Variants in ZNF804A observed in about 807,000 individuals in gnomAD.
The protein encoded by ZNF804A is zinc finger protein 804A.
In ZNF804A, 2 loss-of-function variants were observed where a neutral mutation model predicts 16.5. The ratio of observed to expected loss-of-function variants is 0.12; its 90% confidence interval spans 0.05 to 0.38. The LOEUF is 0.38. ZNF804A is among the 10% of genes least tolerant of loss of function. ZNF804A has a pLI of 0.99. For synonymous variants in ZNF804A, 534 were observed against 489.6 expected, an observed-to-expected ratio of 1.09 and a Z score of -1.20; for missense variants, 1,473 against 1,390.7, an observed-to-expected ratio of 1.06 and a Z score of -0.94.
intron 2 of ZNF804A, among the ~76,000 whole-genome samples, chr2:184,869,479 G>A (rs189907787): frequency 6.3e-4 from 96 of 152,008 alleles, no homozygotes; most frequent in African/African-American, 2.0e-3. Context: ...ATATGACTTT[G>A]GGTTAAATAA....
chr2:184,656,268 T>C (rs1692071770), intron 1 of ZNF804A, among the ~76,000 whole-genome samples: 1 of 152,142 alleles, frequency 6.6e-6, no homozygotes, highest in African/African-American at 2.4e-5. Context: ...AGAGATAGTC[T>C]CTACAGTATG....
intron 1 of ZNF804A, among the ~76,000 whole-genome samples, chr2:184,639,363 C>T (rs1402113718): frequency 5.3e-5 from 8 of 151,796 alleles, no homozygotes; most frequent in Non-Finnish European, 7.4e-5. Context: ...TATCAGCCAC[C>T]GCGCCTGGCC....
chr2:184,715,758 C>T (rs1029280952), intron 1 of ZNF804A, among the ~76,000 whole-genome samples: 2 of 152,052 alleles, frequency 1.3e-5, no homozygotes, highest in Non-Finnish European at 2.9e-5. Flanking sequence ...ATTTCTATAA[C>T]TTTATCAATT....
chr2:184,672,517 G>A (rs1300929736), intron 1 of ZNF804A, among the ~76,000 whole-genome samples: 3 of 152,092 alleles, frequency 2.0e-5, no homozygotes, highest in African/African-American at 7.2e-5. Context: ...CCTTTTATTT[G>A]AATAAGTTGT....
chr2:184,915,581 A>C, intron 2 of ZNF804A, among the ~76,000 whole-genome samples: 1 of 152,152 alleles, frequency 6.6e-6, no homozygotes, highest in East Asian at 1.9e-4. Context: ...ATTCATGAGC[A>C]CTTACAATGC....
intron 1 of ZNF804A, among the ~76,000 whole-genome samples, chr2:184,791,806 A>G (rs1434859186): frequency 6.6e-6 from 1 of 152,184 alleles, no homozygotes; most frequent in African/African-American, 2.4e-5. Context: ...ATCACATAGA[A>G]TAGTTTAAGA....
chr2:184,644,565 A>AT (rs1398830392), intron 1 of ZNF804A, among the ~76,000 whole-genome samples: 2 of 152,020 alleles, frequency 1.3e-5, no homozygotes, highest in East Asian at 3.9e-4. Context: ...CTGTATAGAC[A>AT]TTTTATGTCC....
chr2:184,737,857 C>A (rs1231758698), intron 1 of ZNF804A, among the ~76,000 whole-genome samples: 1 of 152,256 alleles, frequency 6.6e-6, no homozygotes, highest in African/African-American at 2.4e-5. Flanking sequence ...GGCGCAGTGG[C>A]TTACGCTTAT....
intron 2 of ZNF804A, among the ~76,000 whole-genome samples, chr2:184,928,561 A>T (rs1054332747): frequency 6.6e-6 from 1 of 152,244 alleles, no homozygotes; most frequent in African/African-American, 2.4e-5. Context: ...CTCTGAGCCC[A>T]GTTCAGCAAT....
chr2:184,788,543 G>A (rs540531741), intron 1 of ZNF804A, among the ~76,000 whole-genome samples: 10 of 151,792 alleles, frequency 6.6e-5, no homozygotes, highest in East Asian at 1.9e-4. Flanking sequence ...TGTAGATATC[G>A]TTCATCTCCT....
chr2:184,634,761 A>G (rs1691667872), intron 1 of ZNF804A, among the ~76,000 whole-genome samples: 1 of 152,054 alleles, frequency 6.6e-6, no homozygotes. Context: ...CCAACCTTTG[A>G]CCTCCAGAAC....
chr2:184,914,805 T>TTGGG (rs1244660709), intron 2 of ZNF804A, among the ~76,000 whole-genome samples: 45 of 152,084 alleles, frequency 3.0e-4, no homozygotes, highest in South Asian at 1.7e-3. Flanking sequence ...TGTGTCTATA[T>TTGGG]ATTATTTTCC....
chr2:184,905,943 G>A (rs1441612002), intron 2 of ZNF804A, among the ~76,000 whole-genome samples: 3 of 152,118 alleles, frequency 2.0e-5, no homozygotes, highest in African/African-American at 7.2e-5. Flanking sequence ...ATGTTCCTTA[G>A]CTGTATTTCT....
At chr2:184,774,892 C>T (rs1046934676) in intron 1 of ZNF804A, among the ~76,000 whole-genome samples, 1 of 150,920 alleles carries the variant, frequency 6.6e-6, no homozygotes. Context: ...AGCAGCTACC[C>T]TTCATGAGGG....
chr2:184,688,737 C>G (rs1460663930), intron 1 of ZNF804A, among the ~76,000 whole-genome samples: 2 of 152,098 alleles, frequency 1.3e-5, no homozygotes, highest in Non-Finnish European at 2.9e-5. Flanking sequence ...AACAATGTTT[C>G]TTTGTGCTAA....
At chr2:184,662,908 A>G (rs1692197987) in intron 1 of ZNF804A, among the ~76,000 whole-genome samples, 1 of 152,246 alleles carries the variant, frequency 6.6e-6, no homozygotes, top group Admixed American at 6.5e-5. Flanking sequence ...ATCATACAGT[A>G]TCTGAAAACT....
At chr2:184,786,273 C>G (rs1399490428) in intron 1 of ZNF804A, among the ~76,000 whole-genome samples, 2 of 151,006 alleles carry the variant, frequency 1.3e-5, no homozygotes, top group Admixed American at 1.3e-4. Flanking sequence ...TCAATAAGTT[C>G]TCTTGTTCAG....
At chr2:184,934,429 T>C (rs1685752834) in intron 3 of ZNF804A, among the ~76,000 whole-genome samples, 1 of 152,148 alleles carries the variant, frequency 6.6e-6, no homozygotes, top group Non-Finnish European at 1.5e-5. Context: ...ATTATTTCAT[T>C]CCAAATCTAC....
intron 1 of ZNF804A, among the ~76,000 whole-genome samples, chr2:184,820,866 G>A (rs942727465): frequency 6.6e-6 from 1 of 152,006 alleles, no homozygotes; most frequent in African/African-American, 2.4e-5. Context: ...CAAGGGAAAT[G>A]AAGCACCTCT....
Sources: allele counts gnomAD v4.1 joint callset (sites outside exome capture counted in the v4.1 genomes callset), GRCh38; gene constraint gnomAD v4.1.1; transcripts MANE v1.5; gene names NCBI Gene and HGNC (gene_info 2026-07-23, HGNC 2026-07-21).